The following SLC24A4 variants were observed in gnomAD, a reference collection of about 807,000 sequenced individuals.
The protein encoded by SLC24A4 is solute carrier family 24 member 4.
A neutral mutation model predicts 79.0 loss-of-function variants in SLC24A4; 53 were observed. The observed-to-expected ratio is 0.67, with a 90% confidence interval of 0.54 to 0.84. The LOEUF is 0.84. Ranked by LOEUF, SLC24A4 falls within the 40% of genes least tolerant of loss-of-function variation. The probability of loss-of-function intolerance (pLI) is 0.00; values close to 1 mark genes in which losing one functional copy is unlikely to be tolerated. For missense variants in SLC24A4, 731 were observed against 822.0 expected (o/e 0.89, Z 1.35); for synonymous variants, 323 against 323.8 (o/e 1.00, Z 0.03).
At chr14:92,427,841 G>A (rs963926452) in intron 2 of SLC24A4, among the ~76,000 whole-genome samples, 4 of 152,190 alleles carry the variant, frequency 2.6e-5, no homozygotes, top group African/African-American at 7.2e-5. Flanking sequence ...ATTAGGAGGC[G>A]GGGCCTTTGG....
chr14:92,348,091 C>T (rs547022596), intron 2 of SLC24A4, among the ~76,000 whole-genome samples: 3 of 152,272 alleles, frequency 2.0e-5, no homozygotes, highest in Admixed American at 2.0e-4. Flanking sequence ...GATGATGACC[C>T]AGGCCCAGGG....
intron 7 of SLC24A4, 135 bp downstream of exon 7, chr14:92,443,609 C>A (rs1303954212): frequency 7.8e-6 from 7 of 895,018 alleles, no homozygotes; most frequent in Non-Finnish European, 1.2e-5. Context: ...GCCAGCCACT[C>A]ACTGCGGTCA....
chr14:92,343,600 CTTT>C (rs1281279466), intron 2 of SLC24A4, among the ~76,000 whole-genome samples: 12 of 142,772 alleles, frequency 8.4e-5, no homozygotes, highest in African/African-American at 2.9e-4. Flanking sequence ...TTCTTTCTTT[CTTT>C]CTTTCTTTCT....
At chr14:92,348,548 T>C (rs995770943) in intron 2 of SLC24A4, among the ~76,000 whole-genome samples, 1 of 152,216 alleles carries the variant, frequency 6.6e-6, no homozygotes, top group African/African-American at 2.4e-5. Flanking sequence ...GTTTCCTGAT[T>C]CCCAGTCCCT....
chr14:92,338,970 C>G (rs944404583), intron 2 of SLC24A4, among the ~76,000 whole-genome samples: 40 of 152,344 alleles, frequency 2.6e-4, no homozygotes, highest in African/African-American at 8.9e-4. Flanking sequence ...GACAGAGTCC[C>G]TCATTGCACC....
rs2139959625 is a variant in SLC24A4, at chr14:92,496,623, C to T, written c.*2995C>T. ...GTGTCCAGTATCTTGAAAACCTGGC[C>T]CTGGAGGAAGGTTCTGGGTCAGCTG... On this transcript the variant is annotated 3_prime_UTR_variant, in exon 17 of 17. Coordinates refer to ENST00000532405, the MANE Select transcript of SLC24A4 (RefSeq NM_153646.4). 1 of 152,164 alleles carries T rather than the reference C, an allele frequency of 6.6e-6. No individual in the cohort carries two copies. Among genetic ancestry groups the T allele is most frequent in the South Asian group, 2.1e-4 (1 of 4,818 alleles). The allele number at this position is 152,164 out of a possible 1,614,324, so 9.4% of individuals were successfully genotyped here.
chr14:92,342,364 A>ATTTG (rs1480846876), intron 2 of SLC24A4, among the ~76,000 whole-genome samples: 1 of 1,300 alleles, frequency 7.7e-4, no homozygotes, highest in Non-Finnish European at 4.4e-3. Flanking sequence ...TTTTTTCCCC[A>ATTTG]TTTATTTATT....
chr14:92,348,399 C>T (rs1436661187), intron 2 of SLC24A4, among the ~76,000 whole-genome samples: 2 of 152,186 alleles, frequency 1.3e-5, no homozygotes, highest in African/African-American at 2.4e-5. Flanking sequence ...TTAGGCTTTG[C>T]GGATCATACA....
intron 2 of SLC24A4, among the ~76,000 whole-genome samples, chr14:92,372,970 T>TC (rs202108508): frequency 1.5e-5 from 2 of 137,886 alleles, no homozygotes; most frequent in African/African-American, 2.7e-5. Flanking sequence ...TCTCTCTCTC[T>TC]CCCCCCCTCC....
At chr14:92,339,482 C>A (rs1264886306) in intron 2 of SLC24A4, among the ~76,000 whole-genome samples, 1 of 152,140 alleles carries the variant, frequency 6.6e-6, no homozygotes, top group Non-Finnish European at 1.5e-5. Context: ...CCCCATTATA[C>A]GAAAGATGTG....
intron 7 of SLC24A4, 37 bp from the exon 8 acceptor site, chr14:92,445,280 T>C (rs1266348156): frequency 5.0e-6 from 8 of 1,613,268 alleles, no homozygotes; most frequent in Non-Finnish European, 6.8e-6. Flanking sequence ...AATAAATATG[T>C]CCCACCCACC....
intron 2 of SLC24A4, among the ~76,000 whole-genome samples, chr14:92,335,062 G>A (rs1287527426): frequency 6.6e-6 from 1 of 152,176 alleles, no homozygotes; most frequent in Non-Finnish European, 1.5e-5. Flanking sequence ...ACCCAAACTA[G>A]TCCAAGTCAC....
intron 2 of SLC24A4, among the ~76,000 whole-genome samples, chr14:92,416,063 A>T (rs1890964586): frequency 6.6e-6 from 1 of 151,924 alleles, no homozygotes; most frequent in African/African-American, 2.4e-5. Flanking sequence ...CTCTGTGGAG[A>T]TGTAGAGACA....
At chr14:92,348,486 AC>A (rs1449052749) in intron 2 of SLC24A4, among the ~76,000 whole-genome samples, 1 of 152,162 alleles carries the variant, frequency 6.6e-6, no homozygotes, top group Admixed American at 6.5e-5. Context: ...AACTTTGTCA[AC>A]CCTGGGCCAT....
At chr14:92,360,341 T>C (rs1317634188) in intron 2 of SLC24A4, among the ~76,000 whole-genome samples, 1 of 152,140 alleles carries the variant, frequency 6.6e-6, no homozygotes, top group Non-Finnish European at 1.5e-5. Flanking sequence ...GCTCAAGCAA[T>C]CCTCCCTCCT....
Position 92,398,040 on chromosome 14 carries a change from A to C in SLC24A4, c.242-35872A>C, listed in dbSNP as rs888523874. 2.0e-5 allele frequency among the ~76,000 whole-genome samples: 3 copies of C among 152,144 alleles called. No individual in the cohort carries two copies. Among genetic ancestry groups the C allele is most frequent in the East Asian group, 1.9e-4 (1 of 5,184 alleles). On this transcript the variant is annotated intron_variant, in intron 2 of 16. Coordinates refer to ENST00000532405, the MANE Select transcript of SLC24A4 (RefSeq NM_153646.4). The surrounding 1 kb of genome is among the most constrained non-coding windows in gnomAD (Gnocchi z 4.1). Reference sequence around the variant, plus strand: ...CTATGCCAGGCCCTGCGCACATGTGACCTTCTCTGTCATAGCCCTTTATCC... The same window carrying C: ...CTATGCCAGGCCCTGCGCACATGTGCCCTTCTCTGTCATAGCCCTTTATCC...
At chr14:92,354,633 A>G (rs1006372832) in intron 2 of SLC24A4, among the ~76,000 whole-genome samples, 1 of 152,242 alleles carries the variant, frequency 6.6e-6, no homozygotes, top group African/African-American at 2.4e-5. Context: ...ATGTGCACAC[A>G]AATCACTTGG....
At chr14:92,357,582 A>C (rs960106197) in intron 2 of SLC24A4, among the ~76,000 whole-genome samples, 1 of 152,240 alleles carries the variant, frequency 6.6e-6, no homozygotes, top group African/African-American at 2.4e-5. Flanking sequence ...TAAGTGAACT[A>C]AGCCAGTCAC....
At chr14:92,362,967 G>A (rs908015410) in intron 2 of SLC24A4, among the ~76,000 whole-genome samples, 3 of 152,308 alleles carry the variant, frequency 2.0e-5, no homozygotes, top group Non-Finnish European at 2.9e-5. Context: ...AAGACGAGGC[G>A]CTCAGCCTGC....
Sources: allele counts gnomAD v4.1 joint callset (sites outside exome capture counted in the v4.1 genomes callset), GRCh38; gene constraint gnomAD v4.1.1; non-coding constraint Gnocchi (gnomAD v3.1); transcripts MANE v1.5; gene names NCBI Gene and HGNC (gene_info 2026-07-23, HGNC 2026-07-21).